Variants in OTUD7B observed in about 807,000 individuals in gnomAD.
OTUD7B encodes OTU domain-containing protein 7B.
Under a neutral mutation model 82.2 loss-of-function variants are expected in OTUD7B, and 34 were observed. That is an observed-to-expected ratio of 0.41 (90% CI 0.31 to 0.55). The LOEUF (loss-of-function observed/expected upper bound fraction) is 0.55, where lower values mean the gene tolerates loss of function less well. Ranked by LOEUF, OTUD7B falls within the 20% of genes least tolerant of loss-of-function variation. The pLI, the probability that OTUD7B is intolerant of heterozygous loss-of-function variation, is 0.20. For missense variants in OTUD7B, 944 were observed against 1,062.1 expected (o/e 0.89, Z 1.55); for synonymous variants, 398 against 402.7 (o/e 0.99, Z 0.14).
At chr1:150,059,296 ACC>A in the OTUD7B span, among the ~76,000 whole-genome samples, 2 of 6,808 alleles carry the variant, frequency 2.9e-4, no homozygotes, top group Middle Eastern at 0.05. Flanking sequence ...CTCGTGATCC[ACC>A]CCCCCCCCCC....
chr1:150,012,107 G>A (rs146883285), upstream of OTUD7B, among the ~76,000 whole-genome samples: 4 of 152,320 alleles, frequency 2.6e-5, no homozygotes, highest in African/African-American at 7.2e-5. Context: ...GTCATTTGGC[G>A]TGGGCTTCAA....
chr1:149,999,906 A>G (rs1366945464), intron 1 of OTUD7B, among the ~76,000 whole-genome samples: 1 of 152,202 alleles, frequency 6.6e-6, no homozygotes, highest in African/African-American at 2.4e-5. Flanking sequence ...ATTTAAAATG[A>G]CCCTGACTTT....
At chr1:149,947,091 T>C (rs1647813175) in intron 11 of OTUD7B, among the ~76,000 whole-genome samples, 160 bp downstream of exon 11, 2 of 151,804 alleles carry the variant, frequency 1.3e-5, no homozygotes, top group South Asian at 2.1e-4. Context: ...ACAGGAAAAA[T>C]TGTCTTTGGA....
At chr1:150,018,788 G>C in the OTUD7B span, among the ~76,000 whole-genome samples, 1 of 152,146 alleles carries the variant, frequency 6.6e-6, no homozygotes, top group Non-Finnish European at 1.5e-5. Flanking sequence ...GAAAGGAGCT[G>C]AAAGGGCTGA....
chr1:149,993,764 T>C (rs1447575995), intron 1 of OTUD7B, among the ~76,000 whole-genome samples: 3 of 152,236 alleles, frequency 2.0e-5, no homozygotes, highest in Non-Finnish European at 4.4e-5. Context: ...TTTTAAAATA[T>C]CTATTATATA....
intron 2 of OTUD7B, among the ~76,000 whole-genome samples, chr1:149,975,119 T>G (rs1553778315): frequency 6.6e-6 from 1 of 152,192 alleles, no homozygotes. Flanking sequence ...TTAGGGCCCT[T>G]GCATAAACTG....
chr1:150,003,722 C>T (rs1391784458), intron 1 of OTUD7B, among the ~76,000 whole-genome samples: 2 of 152,138 alleles, frequency 1.3e-5, no homozygotes, highest in African/African-American at 2.4e-5. Context: ...TAGGTTTAGA[C>T]GTGTTTAGGT....
the OTUD7B span, among the ~76,000 whole-genome samples, chr1:150,020,101 C>T: frequency 5.3e-5 from 8 of 152,228 alleles, no homozygotes; most frequent in Non-Finnish European, 1.0e-4. Flanking sequence ...ACATTCCAAC[C>T]TGGGTGACGG....
intron 11 of OTUD7B, among the ~76,000 whole-genome samples, chr1:149,946,947 G>A (rs1647805161): frequency 6.6e-6 from 1 of 151,682 alleles, no homozygotes; most frequent in African/African-American, 2.4e-5. Context: ...CAGCTACTCA[G>A]GAGGCTGAGG....
Position 149,950,975 on chromosome 1 carries a change from G to GTTTTTTTT in OTUD7B, c.846-755_846-754insAAAAAAAA, listed in dbSNP as rs1376360627. Among the ~76,000 whole-genome samples the GTTTTTTTT allele has an allele frequency of 5.9e-3, 72 of 12,248 alleles. 4 individuals are homozygous for GTTTTTTTT. Among genetic ancestry groups the GTTTTTTTT allele is most frequent in the Admixed American group, 0.011 (10 of 906 alleles). 8.0% of individuals were successfully genotyped at this position (12,248 alleles called of 152,430 possible). A position where few individuals can be genotyped will look rare whatever the true frequency, so the allele number is the denominator to read the frequency against. On this transcript the variant is annotated intron_variant, in intron 7 of 11. Coordinates refer to ENST00000581312, the MANE Select transcript of OTUD7B (RefSeq NM_020205.4). ...CCCGGTCTAATTTTTTGTACTTTTT[G>GTTTTTTTT]TATTTTTTTTTTTTTTTTTTTTTTG...
At chr1:150,061,977 T>C in the OTUD7B span, among the ~76,000 whole-genome samples, 1 of 152,184 alleles carries the variant, frequency 6.6e-6, no homozygotes, top group Non-Finnish European at 1.5e-5. Flanking sequence ...TGCAGAGATC[T>C]ACCTGTCATG....
the OTUD7B span, among the ~76,000 whole-genome samples, chr1:150,045,290 C>T: frequency 6.6e-6 from 1 of 151,728 alleles, no homozygotes; most frequent in Non-Finnish European, 1.5e-5. Context: ...AATAGGGTTT[C>T]ACCATGTTGG....
At position 150,004,131 on chromosome 1, in the gene OTUD7B, T is replaced by A. The variant is rs587655005; in HGVS notation, c.-67+6317A>T. ...TCTCTTTTTCACTCTTTCCTCTCCT[T>A]AGCCTACCCTCCACAACTCTAACTC... On this transcript the variant is annotated intron_variant, in intron 1 of 11. Transcript: ENST00000581312. Among the ~76,000 whole-genome samples, 4 of 151,872 alleles carry A rather than the reference T, an allele frequency of 2.6e-5. No individual in the cohort carries two copies. In the South Asian group the frequency reaches 8.3e-4, roughly 31 times the overall value.
At chr1:150,043,363 CAT>C in the OTUD7B span, among the ~76,000 whole-genome samples, 1 of 151,968 alleles carries the variant, frequency 6.6e-6, no homozygotes, top group Non-Finnish European at 1.5e-5. Context: ...TAAAAACAAA[CAT>C]AAAAAAGAAT....
chr1:150,024,786 G>A, the OTUD7B span, among the ~76,000 whole-genome samples: 552 of 152,272 alleles, frequency 3.6e-3, 3 homozygotes, highest in African/African-American at 0.013. Flanking sequence ...GGTGGCTCAC[G>A]CCTGTAATCC....
Position 149,973,850 on chromosome 1 carries a change from C to T in OTUD7B, c.86-2599G>A, listed in dbSNP as rs186907720. Among the ~76,000 whole-genome samples the T allele has an allele frequency of 1.7e-3, 202 of 120,310 alleles. 1 individual carries two copies. Among genetic ancestry groups the T allele is most frequent in the African/African-American group, 5.7e-3 (186 of 32,864 alleles). 78.9% of individuals were successfully genotyped at this position (120,310 alleles called of 152,430 possible). ...AAATGAGGATGAGGTCCTTTTATGC[C>T]CCTTCTAATTTTTTTTTTTTTTTTT... is the stretch of plus-strand genomic sequence containing the variant. On this transcript the variant is annotated intron_variant, in intron 2 of 11. Coordinates refer to ENST00000581312, the MANE Select transcript of OTUD7B (RefSeq NM_020205.4).
At chr1:149,996,503 G>C (rs1263036370) in intron 1 of OTUD7B, among the ~76,000 whole-genome samples, 1 of 152,182 alleles carries the variant, frequency 6.6e-6, no homozygotes, top group Non-Finnish European at 1.5e-5. Context: ...GAATCCGTTA[G>C]AGCTATATCT....
the OTUD7B span, among the ~76,000 whole-genome samples, chr1:150,055,333 C>T: frequency 1.6e-4 from 25 of 151,994 alleles, no homozygotes; most frequent in East Asian, 4.8e-3. Flanking sequence ...CCACTGCGCC[C>T]GGCCTGGTGT....
chr1:150,040,363 C>A, the OTUD7B span, among the ~76,000 whole-genome samples: 5 of 152,164 alleles, frequency 3.3e-5, no homozygotes, highest in Admixed American at 1.3e-4. Context: ...GCTTTCTGGC[C>A]ACTTAGCTTG....
Sources: allele counts gnomAD v4.1 joint callset (sites outside exome capture counted in the v4.1 genomes callset), GRCh38; gene constraint gnomAD v4.1.1; transcripts MANE v1.5; gene names NCBI Gene and HGNC (gene_info 2026-07-23, HGNC 2026-07-21).